The following COL25A1 variants were observed in gnomAD, a reference collection of about 807,000 sequenced individuals.
COL25A1 encodes collagen alpha-1(XXV) chain.
Under a neutral mutation model 128.4 loss-of-function variants are expected in COL25A1, and 103 were observed. The observed-to-expected ratio is 0.80, with a 90% CI of 0.68 to 0.94. The LOEUF is 0.94. Among genes scored for constraint, COL25A1 ranks in the 40% least tolerant of loss-of-function variants. COL25A1 has a pLI of 0.00. For missense variants in COL25A1, 745 were observed against 840.0 expected (o/e 0.89, Z 1.40); for synonymous variants, 279 against 277.2 (o/e 1.01, Z -0.06).
chr4:109,068,774 A>G (rs984303045), intron 3 of COL25A1, among the ~76,000 whole-genome samples: 1 of 152,198 alleles, frequency 6.6e-6, no homozygotes, highest in Admixed American at 6.5e-5. Context: ...TACTTATTCA[A>G]AAATAATTAG....
chr4:109,008,615 C>G (rs1756268096), intron 6 of COL25A1, among the ~76,000 whole-genome samples: 1 of 152,114 alleles, frequency 6.6e-6, no homozygotes, highest in Non-Finnish European at 1.5e-5. Flanking sequence ...TGCTGTCTCA[C>G]CACCTTCTTT....
chr4:108,861,852 A>G (rs1578575975), intron 22 of COL25A1, among the ~76,000 whole-genome samples: 1 of 152,152 alleles, frequency 6.6e-6, no homozygotes, highest in Non-Finnish European at 1.5e-5. Flanking sequence ...GGTAAGGATG[A>G]ATAAAGATAA....
At chr4:109,276,077 C>T (rs1253766851) in intron 3 of COL25A1, among the ~76,000 whole-genome samples, 1 of 152,174 alleles carries the variant, frequency 6.6e-6, no homozygotes, top group Non-Finnish European at 1.5e-5. Context: ...ATTATCATTA[C>T]ATGTTCTTAC....
At chr4:108,913,784 T>A (rs1376406487) in intron 13 of COL25A1, among the ~76,000 whole-genome samples, 1 of 152,176 alleles carries the variant, frequency 6.6e-6, no homozygotes, top group Non-Finnish European at 1.5e-5. Flanking sequence ...TGCCAAAAAA[T>A]TATTCACTAT....
intron 3 of COL25A1, among the ~76,000 whole-genome samples, chr4:109,070,362 CTT>C (rs34215492): frequency 0.13 from 19,862 of 149,184 alleles, 1,526 homozygotes; most frequent in African/African-American, 0.22. Context: ...ATTTTTTAAT[CTT>C]TTTTTTTTTT....
At chr4:109,010,578 T>C (rs1445472407) in intron 5 of COL25A1, among the ~76,000 whole-genome samples, 1 of 152,226 alleles carries the variant, frequency 6.6e-6, no homozygotes, top group Non-Finnish European at 1.5e-5. Flanking sequence ...TCTAAAATCC[T>C]GATATTATAG....
chr4:109,213,509 A>G (rs1167296325), intron 3 of COL25A1, among the ~76,000 whole-genome samples: 2 of 152,150 alleles, frequency 1.3e-5, no homozygotes, highest in Non-Finnish European at 2.9e-5. Context: ...AGGGAGCCCA[A>G]ACATCCCAAT....
intron 3 of COL25A1, among the ~76,000 whole-genome samples, chr4:109,230,071 A>C (rs1025388358): frequency 6.6e-6 from 1 of 152,166 alleles, no homozygotes; most frequent in Non-Finnish European, 1.5e-5. Context: ...TCACTATCAC[A>C]AAGACACCAC....
intron 3 of COL25A1, among the ~76,000 whole-genome samples, chr4:109,187,606 T>C (rs1158697983): frequency 6.6e-6 from 1 of 152,202 alleles, no homozygotes; most frequent in African/African-American, 2.4e-5. Context: ...TTACGTAGCA[T>C]ATTGTAGCTT....
At chr4:109,019,464 GA>G (rs1185376769) in intron 5 of COL25A1, among the ~76,000 whole-genome samples, 2 of 149,662 alleles carry the variant, frequency 1.3e-5, no homozygotes, top group Non-Finnish European at 3.0e-5. Flanking sequence ...AATTTATAAA[GA>G]AAAAAAGTTT....
chr4:109,166,345 G>A lies in COL25A1; in HGVS notation c.368-116166C>T, dbSNP rs576488048. On this transcript the variant is annotated intron_variant, in intron 3 of 37. Coordinates refer to ENST00000399132, the MANE Select transcript of COL25A1 (RefSeq NM_198721.4). ...AAGCTTTTCCTGTAAATACAGCTGG[G>A]ATGAAGCTTCTTTCTGCCAATCTAT... Among the ~76,000 whole-genome samples, 10 of 152,270 alleles carry A rather than the reference G, an allele frequency of 6.6e-5. No homozygotes were observed. In the South Asian group the frequency reaches 1.5e-3, roughly 22 times the overall value.
At position 109,095,842 on chromosome 4, in the gene COL25A1, T is replaced by C. The variant is rs377707734; in HGVS notation, c.368-45663A>G. On this transcript the variant is annotated intron_variant, in intron 3 of 37. Coordinates refer to ENST00000399132, the MANE Select transcript of COL25A1 (RefSeq NM_198721.4). ...GTGAGAGAGGGGATCAGCTGTCATA[T>C]GATCCCTGGCAACCCCTAAAGGGCA... 4.5e-4 allele frequency among the ~76,000 whole-genome samples: 68 copies of C among 152,324 alleles called. 1 individual carries two copies. In the South Asian group the frequency reaches 0.014, roughly 31 times the overall value.
intron 5 of COL25A1, among the ~76,000 whole-genome samples, chr4:109,014,600 A>C (rs924509477): frequency 1.3e-5 from 2 of 152,230 alleles, no homozygotes; most frequent in Non-Finnish European, 2.9e-5. Context: ...TATACATTGC[A>C]TTATGGATTT....
chr4:109,265,765 C>A (rs991202214), intron 3 of COL25A1, among the ~76,000 whole-genome samples: 1 of 152,048 alleles, frequency 6.6e-6, no homozygotes, highest in Non-Finnish European at 1.5e-5. Flanking sequence ...TATCTGCCTG[C>A]TAAATGGTAA....
chr4:109,158,124 A>C (rs1278910746), intron 3 of COL25A1, among the ~76,000 whole-genome samples: 2 of 152,232 alleles, frequency 1.3e-5, no homozygotes, highest in Non-Finnish European at 2.9e-5. Context: ...TTTTTTATAC[A>C]TATATTCTAC....
At chr4:109,015,714 A>G (rs554542845) in intron 5 of COL25A1, among the ~76,000 whole-genome samples, 5 of 152,216 alleles carry the variant, frequency 3.3e-5, no homozygotes, top group Non-Finnish European at 7.3e-5. Context: ...AATGGAAAAC[A>G]ATCAGCCAGT....
intron 3 of COL25A1, among the ~76,000 whole-genome samples, chr4:109,065,916 C>T (rs995245205): frequency 1.3e-5 from 2 of 152,126 alleles, no homozygotes; most frequent in Non-Finnish European, 1.5e-5. Context: ...CACATAACTA[C>T]CCTTTTGTAG....
At position 109,246,016 on chromosome 4, in the gene COL25A1, CA is replaced by C. The variant is rs772260651; in HGVS notation, c.367+54566del. Among the ~76,000 whole-genome samples, 506 of 65,656 alleles carry C rather than the reference CA, an allele frequency of 7.7e-3. 3 individuals are homozygous for C. Among genetic ancestry groups the C allele is most frequent in the East Asian group, 0.055 (120 of 2,178 alleles). 43.1% of individuals were successfully genotyped at this position (65,656 alleles called of 152,430 possible). ...CTCTAGTTGCTTTTTTGTTAAAAAG[CA>C]AAAAAAAAAAAAAAAAAAATTTAAA... is the stretch of plus-strand genomic sequence containing the variant. On this transcript the variant is annotated intron_variant, in intron 3 of 37. Coordinates refer to ENST00000399132, the MANE Select transcript of COL25A1 (RefSeq NM_198721.4).
At chr4:109,022,714 G>A (rs563934807) in intron 5 of COL25A1, among the ~76,000 whole-genome samples, 1 of 152,318 alleles carries the variant, frequency 6.6e-6, no homozygotes, top group East Asian at 1.9e-4. Flanking sequence ...AAGTGTGGAT[G>A]AGAAGTATTT....
Sources: gnomAD v4.1 joint callset for allele counts (sites outside exome capture counted in the v4.1 genomes callset) on GRCh38, gnomAD v4.1.1 for gene constraint, MANE v1.5 for transcripts, NCBI Gene and HGNC (gene_info 2026-07-23, HGNC 2026-07-21) for gene names.